The following GLIS3 variants were observed in gnomAD, a reference collection of about 807,000 sequenced individuals.
GLIS3 encodes GLIS family zinc finger 3.
Under a neutral mutation model 78.6 loss-of-function variants are expected in GLIS3, and 53 were observed. That is an observed-to-expected ratio of 0.67 (90% CI 0.54 to 0.85). GLIS3 has a LOEUF of 0.85. Ranked by LOEUF, GLIS3 falls within the 40% of genes least tolerant of loss-of-function variation. GLIS3 has a pLI of 0.00. For missense variants in GLIS3, 1,703 were observed against 1,231.1 expected, an observed-to-expected ratio of 1.38 and a Z score of -5.74; for synonymous variants, 684 against 509.9, an observed-to-expected ratio of 1.34 and a Z score of -4.60.
At chr9:4,326,549 T>TG (rs1229421253) in intron 2 of GLIS3, among the ~76,000 whole-genome samples, 1 of 142,916 alleles carries the variant, frequency 7.0e-6, no homozygotes, top group African/African-American at 2.4e-5. Context: ...GAGGGAGGAA[T>TG]GGGGGTTATT....
intron 7 of GLIS3, among the ~76,000 whole-genome samples, chr9:3,885,059 T>C (rs12235645): frequency 0.19 from 29,537 of 152,126 alleles, 2,931 homozygotes; most frequent in African/African-American, 0.21. Flanking sequence ...CAATTCAGCA[T>C]TGAAGAGAGA....
chr9:3,952,745 G>A (rs1346842079), intron 4 of GLIS3, among the ~76,000 whole-genome samples: 1 of 152,124 alleles, frequency 6.6e-6, no homozygotes, highest in Non-Finnish European at 1.5e-5. Flanking sequence ...TGGTATCCTA[G>A]CACAGTGCTT....
At chr9:4,161,566 A>G (rs1175852483) in intron 2 of GLIS3, among the ~76,000 whole-genome samples, 11 of 152,088 alleles carry the variant, frequency 7.2e-5, no homozygotes, top group Non-Finnish European at 1.5e-4. Flanking sequence ...AGAAGCAGAT[A>G]CTTCACTTGC....
chr9:3,997,020 T>C (rs1047688781), intron 4 of GLIS3, among the ~76,000 whole-genome samples: 3 of 152,146 alleles, frequency 2.0e-5, no homozygotes, highest in Admixed American at 6.6e-5. Flanking sequence ...GAATCCGAAA[T>C]TTAAAATCTT....
chr9:4,261,935 G>C (rs1260108408), intron 2 of GLIS3, among the ~76,000 whole-genome samples: 11 of 152,152 alleles, frequency 7.2e-5, no homozygotes, highest in African/African-American at 2.7e-4. Flanking sequence ...CTCCAAAGAG[G>C]GCTCTCCAGC....
chr9:4,184,508 G>A (rs10814865), intron 2 of GLIS3, among the ~76,000 whole-genome samples: 15,973 of 152,194 alleles, frequency 0.1, 1,053 homozygotes, highest in East Asian at 0.22. Context: ...AGACTGAGGA[G>A]CGCCTAGTCC....
intron 2 of GLIS3, among the ~76,000 whole-genome samples, chr9:4,243,757 G>C (rs972066546): frequency 6.6e-6 from 1 of 152,112 alleles, no homozygotes; most frequent in African/African-American, 2.4e-5. Flanking sequence ...GAATGGATTA[G>C]GTGTAATCCA....
rs1588269139 is a variant in GLIS3, at chr9:3,937,320, T to C, written c.1711-131A>G. 9.3e-6 allele frequency: 8 copies of C among 861,752 alleles called. No individual in the cohort carries two copies. In the East Asian group the frequency reaches 2.1e-4, roughly 23 times the overall value. 53.4% of individuals were successfully genotyped at this position (861,752 alleles called of 1,614,324 possible). On this transcript the variant is annotated intron_variant, in intron 4 of 10. Coordinates refer to ENST00000381971, the MANE Select transcript of GLIS3 (RefSeq NM_001042413.2). ...ATAAAATAAAATCAAATCCAAACAG[T>C]AATAAATATTGCTCCTAAAAATATC... is the stretch of plus-strand genomic sequence containing the variant.
the GLIS3 span, among the ~76,000 whole-genome samples, chr9:4,385,985 G>C: frequency 1.3e-5 from 2 of 152,138 alleles, no homozygotes; most frequent in African/African-American, 4.8e-5. Flanking sequence ...AATATATTGA[G>C]ATCCCTATTC....
At chr9:4,159,734 G>GA (rs1564132589) in intron 2 of GLIS3, among the ~76,000 whole-genome samples, 2 of 145,850 alleles carry the variant, frequency 1.4e-5, no homozygotes, top group Admixed American at 6.9e-5. Flanking sequence ...AAAAAAAAAA[G>GA]AAAGAAAAGA....
the GLIS3 span, among the ~76,000 whole-genome samples, chr9:4,477,132 A>G: frequency 6.6e-6 from 1 of 152,122 alleles, no homozygotes. Context: ...CAGCATTATT[A>G]TTCACAATAA....
intron 2 of GLIS3, among the ~76,000 whole-genome samples, chr9:4,328,583 G>C (rs951703822): frequency 1.3e-5 from 2 of 152,220 alleles, no homozygotes; most frequent in African/African-American, 4.8e-5. Flanking sequence ...GAAAGATAAA[G>C]CTCCTGACTT....
At chr9:4,471,551 G>A in the GLIS3 span, among the ~76,000 whole-genome samples, 601 of 152,142 alleles carry the variant, frequency 4.0e-3, 4 homozygotes, top group African/African-American at 0.013. Flanking sequence ...CTGGCTAGCC[G>A]TATATAGAAA....
Position 4,013,525 on chromosome 9 carries a change from C to T in GLIS3, c.1711-76336G>A, listed in dbSNP as rs900105944. On this transcript the variant is annotated intron_variant, in intron 4 of 10. Coordinates refer to ENST00000381971, the MANE Select transcript of GLIS3 (RefSeq NM_001042413.2). ...TATGAATAAAAGACTAATCTGCATA[C>T]ACATCTATACATTTATAGCCTGCAT... Among the ~76,000 whole-genome samples, 4 of 152,182 alleles carry T rather than the reference C, an allele frequency of 2.6e-5. No individual in the cohort carries two copies. In the East Asian group the frequency reaches 7.7e-4, roughly 29 times the overall value.
Position 3,937,018 on chromosome 9 carries a change from C to A in GLIS3, c.1872+10G>T, listed in dbSNP as rs781552853. 1 of 1,612,330 alleles carries A rather than the reference C, an allele frequency of 6.2e-7. No homozygotes were observed. Among genetic ancestry groups the A allele is most frequent in the Non-Finnish European group, 8.5e-7 (1 of 1,179,916 alleles). Reference sequence around the variant, plus strand: ...TGGGTTGGAAACTGGAAAGCTCCTGCCATTCTTACGGTGTCCAGATGCGTC... The same window carrying A: ...TGGGTTGGAAACTGGAAAGCTCCTGACATTCTTACGGTGTCCAGATGCGTC... On this transcript the variant is annotated intron_variant, in intron 5 of 10. Coordinates refer to ENST00000381971, the MANE Select transcript of GLIS3 (RefSeq NM_001042413.2).
chr9:4,074,104 T>G (rs1487252126), intron 4 of GLIS3, among the ~76,000 whole-genome samples: 1 of 152,224 alleles, frequency 6.6e-6, no homozygotes, highest in East Asian at 1.9e-4. Flanking sequence ...CCGGACTGGT[T>G]CCTCATCCCA....
the GLIS3 span, among the ~76,000 whole-genome samples, chr9:4,414,904 C>G: frequency 2.2e-4 from 33 of 152,036 alleles, no homozygotes; most frequent in Admixed American, 1.8e-3. Context: ...CCTGAAGTTT[C>G]CTTTTAGTAA....
chr9:3,909,558 CAG>C (rs1286044195), intron 6 of GLIS3, among the ~76,000 whole-genome samples: 1 of 152,162 alleles, frequency 6.6e-6, no homozygotes, highest in Non-Finnish European at 1.5e-5. Context: ...ATTTAGTTAG[CAG>C]TGACTCCAAA....
At chr9:4,357,980 T>C in the GLIS3 span, among the ~76,000 whole-genome samples, 2 of 152,210 alleles carry the variant, frequency 1.3e-5, no homozygotes, top group African/African-American at 4.8e-5. Context: ...TATAGGATAT[T>C]ATGGATATTA....
Sources: gnomAD v4.1 joint callset for allele counts (sites outside exome capture counted in the v4.1 genomes callset) on GRCh38, gnomAD v4.1.1 for gene constraint, MANE v1.5 for transcripts, NCBI Gene and HGNC (gene_info 2026-07-23, HGNC 2026-07-21) for gene names.